CIMAP1D: variants seen among roughly 807,000 people sequenced by gnomAD.
CIMAP1D encodes the protein protein CIMAP1D.
chr19:476,072 C>T, the CIMAP1D span, among the ~76,000 whole-genome samples: 1 of 143,256 alleles, frequency 7.0e-6, no homozygotes, highest in African/African-American at 2.6e-5. Context: ...GATCTCGGCT[C>T]ACTGGAACCT....
At chr19:485,429 T>A in the CIMAP1D span, among the ~76,000 whole-genome samples, 4 of 152,206 alleles carry the variant, frequency 2.6e-5, no homozygotes, top group African/African-American at 9.7e-5. Flanking sequence ...TCTACAATAG[T>A]CCAGATGACA....
At chr19:484,125 T>C in the CIMAP1D span, among the ~76,000 whole-genome samples, 886 of 148,856 alleles carry the variant, frequency 6.0e-3, 9 homozygotes, top group Non-Finnish European at 5.0e-3. Flanking sequence ...ATTTTTTTCT[T>C]TTCTTTTCTT....
At chr19:471,478 T>G in the CIMAP1D span, among the ~76,000 whole-genome samples, 1 of 152,100 alleles carries the variant, frequency 6.6e-6, no homozygotes, top group Non-Finnish European at 1.5e-5. Flanking sequence ...GGTCTCACTC[T>G]GTCGCCCAGG....
chr19:469,645 C>T, the CIMAP1D span, among the ~76,000 whole-genome samples: 7 of 151,988 alleles, frequency 4.6e-5, no homozygotes, highest in Admixed American at 1.3e-4. Context: ...GAGCCGAGAT[C>T]GCACCACTGC....
chr19:471,558 T>C, the CIMAP1D span, among the ~76,000 whole-genome samples: 1 of 151,860 alleles, frequency 6.6e-6, no homozygotes, highest in South Asian at 2.1e-4. Flanking sequence ...TCCTCCTGCC[T>C]GGGCCTCCCC....
chr19:473,112 C>T, the CIMAP1D span, among the ~76,000 whole-genome samples: 3,820 of 80,938 alleles, frequency 0.047, 310 homozygotes, highest in African/African-American at 0.17. Flanking sequence ...GGTCACAGAT[C>T]GGGAAACTGA....
chr19:489,336 GTCGC>G, the CIMAP1D span: 1 of 133,406 alleles, frequency 7.5e-6, no homozygotes, highest in African/African-American at 3.2e-5. Flanking sequence ...CCGACCCGCC[GTCGC>G]AGCCCGCGGC....
chr19:472,319 AG>A, the CIMAP1D span: 1 of 850,370 alleles, frequency 1.2e-6, no homozygotes, highest in African/African-American at 1.8e-5. Flanking sequence ...CTAAGGGGTA[AG>A]GAGACCCATC....
chr19:484,698 C>T, the CIMAP1D span, among the ~76,000 whole-genome samples: 7 of 152,008 alleles, frequency 4.6e-5, no homozygotes, highest in East Asian at 1.9e-4. Context: ...CCGCACCTGG[C>T]GAGGCGGAGG....
At chr19:488,805 C>A in the CIMAP1D span, among the ~76,000 whole-genome samples, 1 of 152,222 alleles carries the variant, frequency 6.6e-6, no homozygotes, top group South Asian at 2.1e-4. Flanking sequence ...GGGCGAACGG[C>A]CAGGCCTCCC....
chr19:475,966 G>T, the CIMAP1D span, among the ~76,000 whole-genome samples: 4,086 of 131,246 alleles, frequency 0.031, 215 homozygotes, highest in African/African-American at 0.11. Flanking sequence ...GTAGAGATGG[G>T]GTTTCACCAC....
At chr19:489,395 A>T in the CIMAP1D span, 2 of 143,130 alleles carry the variant, frequency 1.4e-5, no homozygotes, top group African/African-American at 5.3e-5. Flanking sequence ...CCGACCTCTG[A>T]CCCGCCCTCC....
At chr19:465,802 T>A in the CIMAP1D span, among the ~76,000 whole-genome samples, 2 of 129,368 alleles carry the variant, frequency 1.5e-5, no homozygotes, top group African/African-American at 5.8e-5. Flanking sequence ...GATGGGTAGG[T>A]GGGTGGATGG....
At chr19:464,333 G>A in the CIMAP1D span, 4 of 1,541,718 alleles carry the variant, frequency 2.6e-6, no homozygotes, top group African/African-American at 4.1e-5. Flanking sequence ...TCTCTGGGCT[G>A]TAGGCCCCAG....
the CIMAP1D span, among the ~76,000 whole-genome samples, chr19:487,077 C>A: frequency 1.5e-3 from 225 of 152,242 alleles, no homozygotes; most frequent in Non-Finnish European, 2.9e-3. Flanking sequence ...TTTGATCCTG[C>A]AACCTGCCTA....
the CIMAP1D span, among the ~76,000 whole-genome samples, chr19:486,772 G>A: frequency 2.0e-5 from 3 of 151,862 alleles, no homozygotes; most frequent in Non-Finnish European, 4.4e-5. Context: ...AAATTAGCCA[G>A]GCGTGGTGGC....
the CIMAP1D span, chr19:489,612 C>G: frequency 6.2e-6 from 1 of 162,550 alleles, no homozygotes. Context: ...AAACAGGCTC[C>G]CGGGGGCCGT....
the CIMAP1D span, among the ~76,000 whole-genome samples, chr19:484,791 G>A: frequency 3.0e-4 from 46 of 152,190 alleles, no homozygotes; most frequent in Non-Finnish European, 5.3e-4. Context: ...CCAGCAGGTC[G>A]TGAAGGGCCC....
At chr19:490,016 AAAG>A in the CIMAP1D span, 8 of 398,454 alleles carry the variant, frequency 2.0e-5, no homozygotes, top group South Asian at 1.3e-4. Flanking sequence ...GCCACGATAG[AAAG>A]AAGAAAAGAA....
Sources: allele counts gnomAD v4.1 joint callset (sites outside exome capture counted in the v4.1 genomes callset), GRCh38; gene constraint gnomAD v4.1.1; transcripts MANE v1.5; gene names NCBI Gene and HGNC (gene_info 2026-07-23, HGNC 2026-07-21).